Variants in PRLHR observed in about 807,000 individuals in gnomAD.
PRLHR encodes prolactin releasing hormone receptor.
PRLHR carries 10 observed loss-of-function variants against 9.3 expected under a neutral mutation model. The observed-to-expected ratio is 1.08, with a 90% CI of 0.66 to 1.82. PRLHR has a LOEUF of 1.82. Among genes scored for constraint, PRLHR ranks in the 40% most tolerant of loss-of-function variants. PRLHR has a pLI of 0.00. For missense variants in PRLHR, 589 were observed against 512.0 expected (o/e 1.15, Z -1.45); for synonymous variants, 261 against 249.3 (o/e 1.05, Z -0.44).
chr10:118,595,366 G>A, intron 1 of PRLHR, 116 bp from the exon 2 acceptor site: 3 of 980,532 alleles, frequency 3.1e-6, no homozygotes, highest in East Asian at 2.5e-5. Context: ...ACCGGCCACA[G>A]AACAACAGCA....
In PRLHR at chr10:118,592,362, G is replaced by A. The variant is rs1292228426; in HGVS notation, c.*1770C>T. The A allele has an allele frequency of 2.6e-5, 4 of 152,314 alleles. No individual in the cohort carries two copies. The highest frequency in any genetic ancestry group is 9.6e-5 in the African/African-American group (4 of 41,458). The allele number at this position is 152,314 out of a possible 1,614,324, so 9.4% of individuals were successfully genotyped here. A position where few individuals can be genotyped will look rare whatever the true frequency, so the allele number is the denominator to read the frequency against. On this transcript the variant is annotated 3_prime_UTR_variant, in exon 2 of 2. Transcript: ENST00000239032. ...AGTAATATAGCTGCTGGAAGCACAG[G>A]AGCCAGTCCTCGGGATGCCTGGGAG...
In PRLHR at chr10:118,594,905, C is replaced by G. The variant is rs547026592; in HGVS notation, c.340G>C (p.Val114Leu). The change falls in exon 2 of 2, where the codon GTG becomes CTG. Residue 114 changes from valine (V) to leucine (L), a missense_variant. Val to Leu is a conservative substitution (Grantham distance 32, BLOSUM62 1). Transcript: ENST00000239032. ...LSDVLMCTAC[V>L]PLTLAYAFEP... The stretch of plus-strand genomic sequence containing the variant: ...AAGGCATAGGCCAGCGTGAGCGGCA[C>G]GCAGGCGGTGCACATGAGCACGTCG... 2 of 1,613,464 alleles carry G rather than the reference C, an allele frequency of 1.2e-6. No individual in the cohort carries two copies. Among genetic ancestry groups the G allele is most frequent in the Non-Finnish European group, 1.7e-6 (2 of 1,179,868 alleles).
In PRLHR at chr10:118,591,077, TTTGTTTTTTG is replaced by T. The variant is rs1315490720; in HGVS notation, c.*3045_*3054del. The stretch of plus-strand genomic sequence containing the variant: ...TTTAAAATAATTCATGGTATGTAAA[TTTGTTTTTTG>T]TTGTTTTTTGTTGTTTTTGTTTTTT... On this transcript the variant is annotated 3_prime_UTR_variant, in exon 2 of 2. Coordinates refer to ENST00000239032, the MANE Select transcript of PRLHR (RefSeq NM_004248.3). The T allele has an allele frequency of 1.5e-4, 23 of 151,766 alleles. No homozygotes were observed. Among genetic ancestry groups the T allele is most frequent in the Non-Finnish European group, 2.4e-4 (16 of 67,968 alleles). The allele number at this position is 151,766 out of a possible 1,614,324, so 9.4% of individuals were successfully genotyped here.
In PRLHR at chr10:118,594,868, C is replaced by A. The variant is rs1564811407; in HGVS notation, c.377G>T (p.Gly126Val). ...LTLAYAFEPRGWVFGGGLCHL... is the reference protein window; with the variant it reads ...LTLAYAFEPRVWVFGGGLCHL... ...GCACAGGCCGCCGCCGAACACCCAG[C>A]CGCGTGGCTCGAAGGCATAGGCCAG... Residue 126 changes from glycine to valine, a missense_variant, in exon 2 of 2, where the codon GGC becomes GTC. Transcript: ENST00000239032. 1.2e-6 allele frequency: 2 copies of A among 1,613,342 alleles called. No individual in the cohort carries two copies. Among genetic ancestry groups the A allele is most frequent in the East Asian group, 2.2e-5 (1 of 44,860 alleles).
Position 118,592,450 on chromosome 10 carries a change from C to T in PRLHR, c.*1682G>A, listed in dbSNP as rs2133392616. On this transcript the variant is annotated 3_prime_UTR_variant, in exon 2 of 2. Transcript: ENST00000239032. ...GCACACAGGTTCTTTGTTCTCCAAT[C>T]CACGGATGAAGCTCAAGTTCATTTA... 6.6e-6 allele frequency: 1 copy of T among 152,350 alleles called. No individual in the cohort carries two copies. The highest frequency in any genetic ancestry group is 2.4e-5 in the African/African-American group (1 of 41,554). The allele number at this position is 152,350 out of a possible 1,614,324, so 9.4% of individuals were successfully genotyped here. A position where few individuals can be genotyped will look rare whatever the true frequency, so the allele number is the denominator to read the frequency against.
In PRLHR at chr10:118,594,312, G is replaced by C. The variant is rs959938899; in HGVS notation, c.933C>G (p.Tyr311Ter). ...AGAGCAGCTGCACCAGCCCAAAGGC[G>C]TAAGGGTCGATGGCGTGGGGGTCGA... ...RDLDPHAIDP[Y>*]AFGLVQLLCH... The change falls in exon 2 of 2, where the codon TAC becomes TAG. Residue 311 changes from tyrosine (Y) to a stop codon, truncating the protein, a stop_gained. Coordinates refer to ENST00000239032, the MANE Select transcript of PRLHR (RefSeq NM_004248.3). LOFTEE classifies it high-confidence loss of function. 1 of 1,602,726 alleles carries C rather than the reference G, an allele frequency of 6.2e-7. No individual in the cohort carries two copies. The highest frequency in any genetic ancestry group is 8.5e-7 in the Non-Finnish European group (1 of 1,178,014).
In PRLHR at chr10:118,592,780, C is replaced by A. The variant is rs1244302149; in HGVS notation, c.*1352G>T. On this transcript the variant is annotated 3_prime_UTR_variant, in exon 2 of 2. Coordinates refer to ENST00000239032, the MANE Select transcript of PRLHR (RefSeq NM_004248.3). ...AGCAGGAGGAGGTGAAACAGTGATTCTTGTGTTCAGTGAGCTGGGAAAGTA... is the reference window on the plus strand; with the variant it reads ...AGCAGGAGGAGGTGAAACAGTGATTATTGTGTTCAGTGAGCTGGGAAAGTA... 1 of 152,186 alleles carries A rather than the reference C, an allele frequency of 6.6e-6. No individual in the cohort carries two copies. The highest frequency in any genetic ancestry group is 6.5e-5 in the Admixed American group (1 of 15,284). The allele number at this position is 152,186 out of a possible 1,614,324, so 9.4% of individuals were successfully genotyped here. A position where few individuals can be genotyped will look rare whatever the true frequency, so the allele number is the denominator to read the frequency against.
intron 1 of PRLHR, 25 bp downstream of exon 1, chr10:118,595,491 G>A: frequency 2.7e-6 from 1 of 370,318 alleles, no homozygotes; most frequent in East Asian, 4.0e-5. Flanking sequence ...AGTCCACGCA[G>A]GCAGACTCAG....
At chr10:118,595,316 C>G (rs1844485704) in intron 1 of PRLHR, 66 bp from the exon 2 acceptor site, 1 of 1,403,614 alleles carries the variant, frequency 7.1e-7, no homozygotes. Context: ...CTACACCAGC[C>G]GCGCCCCTCC....
rs1284734405 is a variant in PRLHR at position 118,594,079 on chromosome 10, C to T, written c.*53G>A. The T allele has an allele frequency of 3.3e-6, 5 of 1,505,476 alleles. No homozygotes were observed. Among genetic ancestry groups the T allele is most frequent in the Non-Finnish European group, 2.7e-6 (3 of 1,126,694 alleles). The allele number at this position is 1,505,476 out of a possible 1,614,324, so 93.3% of individuals were successfully genotyped here. Reference sequence around the variant, plus strand: ...GCACCAGATTGACCTCGAGTGGTGCCCTAGGAGGCCAGTTGAAGTGGAGCT... The same window carrying T: ...GCACCAGATTGACCTCGAGTGGTGCTCTAGGAGGCCAGTTGAAGTGGAGCT... On this transcript the variant is annotated 3_prime_UTR_variant, in exon 2 of 2. Transcript: ENST00000239032.
chr10:118,594,875 G>A lies in PRLHR; in HGVS notation c.370C>T (p.Pro124Ser). 3.1e-6 allele frequency: 5 copies of A among 1,613,346 alleles called. 1 individual carries two copies. In the South Asian group the frequency reaches 3.3e-5, roughly 11 times the overall value. ...CCGCCGCCGAACACCCAGCCGCGTG[G>A]CTCGAAGGCATAGGCCAGCGTGAGC... ...VPLTLAYAFEPRGWVFGGGLC... is the reference protein window; with the variant it reads ...VPLTLAYAFESRGWVFGGGLC... Residue 124 changes from proline to serine, a missense_variant, in exon 2 of 2, where the codon CCA (proline) becomes TCA (serine). Coordinates refer to ENST00000239032, the MANE Select transcript of PRLHR (RefSeq NM_004248.3).
chr10:118,595,010 A>T lies in PRLHR; in HGVS notation c.235T>A (p.Cys79Ser), dbSNP rs762040281. ...CGCGCGATCACCAGCACCAGCAGGC[A>T]GTTGCCCACCAGCCCCACGACCACC... Reference protein sequence around the residue: ...VVVVVGLVGNCLLVLVIARVR... With the variant: ...VVVVVGLVGNSLLVLVIARVR... The change falls in exon 2 of 2, where the codon TGC becomes AGC. Residue 79 changes from cysteine to serine, a missense_variant. Coordinates refer to ENST00000239032, the MANE Select transcript of PRLHR (RefSeq NM_004248.3). The T allele has an allele frequency of 9.3e-6, 15 of 1,613,004 alleles. No homozygotes were observed. In the South Asian group the frequency reaches 1.6e-4, roughly 18 times the overall value.
At position 118,591,831 on chromosome 10, in the gene PRLHR, GGATTACAGGC is replaced by G. The variant is rs1330031681; in HGVS notation, c.*2291_*2300del. The G allele has an allele frequency of 1.3e-5, 2 of 151,808 alleles. No homozygotes were observed. The highest frequency in any genetic ancestry group is 1.5e-5 in the Non-Finnish European group (1 of 68,046). 9.4% of individuals were successfully genotyped at this position (151,808 alleles called of 1,614,324 possible). A position where few individuals can be genotyped will look rare whatever the true frequency, so the allele number is the denominator to read the frequency against. Reference sequence around the variant, plus strand: ...CCTGCCTCAGCCTCCCGAGTAGCTGGGATTACAGGCGTGCGCCACCACGCCTGGCTAATTT... The same window carrying G: ...CCTGCCTCAGCCTCCCGAGTAGCTGGGTGCGCCACCACGCCTGGCTAATTT... On this transcript the variant is annotated 3_prime_UTR_variant, in exon 2 of 2. Coordinates refer to ENST00000239032, the MANE Select transcript of PRLHR (RefSeq NM_004248.3).
Position 118,590,109 on chromosome 10 carries a change from G to C in PRLHR, c.*4023C>G, listed in dbSNP as rs1448422977. ...ACATGCATTTTACACACATAGCAAA[G>C]ACATCAACGCATGAAGGTAAATCAA... On this transcript the variant is annotated 3_prime_UTR_variant, in exon 2 of 2. Transcript: ENST00000239032. The C allele has an allele frequency of 6.6e-6, 1 of 152,222 alleles. No homozygotes were observed. Among genetic ancestry groups the C allele is most frequent in the Non-Finnish European group, 1.5e-5 (1 of 68,044 alleles). The allele number at this position is 152,222 out of a possible 1,614,324, so 9.4% of individuals were successfully genotyped here. A position where few individuals can be genotyped will look rare whatever the true frequency, so the allele number is the denominator to read the frequency against.
Position 118,594,218 on chromosome 10 carries a change from G to T in PRLHR, c.1027C>A (p.Arg343Ser). The stretch of plus-strand genomic sequence containing the variant: ...ACCAACAGTTTGCGCAGCTCCTCGC[G>T]GAAGCTGTCGTGCAGCCAGGCGTAG... ...FIYAWLHDSF[R>S]EELRKLLVAW... The change falls in exon 2 of 2, where the codon CGC becomes AGC. Residue 343 changes from arginine to serine, a missense_variant. By Grantham distance (110) the Arg-to-Ser change is moderately radical (BLOSUM62 -1). Transcript: ENST00000239032. The T allele has an allele frequency of 6.3e-7, 1 of 1,590,084 alleles. No individual in the cohort carries two copies. The highest frequency in any genetic ancestry group is 8.6e-7 in the Non-Finnish European group (1 of 1,168,590).
chr10:118,594,948 G>A lies in PRLHR; in HGVS notation c.297C>T (p.Ile99=), dbSNP rs771212585. 2.5e-6 allele frequency: 4 copies of A among 1,613,580 alleles called. No individual in the cohort carries two copies. Among genetic ancestry groups the A allele is most frequent in the East Asian group, 2.2e-5 (1 of 44,876 alleles). ...RRLHNVTNFL[I]GNLALSDVLM... ...GCACGTCGGACAAGGCCAGGTTGCC[G>A]ATGAGGAAGTTCGTCACGTTGTGCA... The change falls in exon 2 of 2, where the codon ATC becomes ATT. Residue 99 remains isoleucine, a synonymous_variant. Transcript: ENST00000239032.
At position 118,593,039 on chromosome 10, in the gene PRLHR, C is replaced by G. The variant is rs2225916; in HGVS notation, c.*1093G>C. 6.0e-5 allele frequency: 8 copies of G among 133,276 alleles called. No individual in the cohort carries two copies. Among genetic ancestry groups the G allele is most frequent in the African/African-American group, 2.3e-4 (8 of 35,524 alleles). 8.3% of individuals were successfully genotyped at this position (133,276 alleles called of 1,614,324 possible). A position where few individuals can be genotyped will look rare whatever the true frequency, so the allele number is the denominator to read the frequency against. Reference sequence around the variant, plus strand: ...ACAGTCTTCACCTTTTCCCTTAACCCTGGAGGTAATTAGTGTTTGATCTAC... The same window carrying G: ...ACAGTCTTCACCTTTTCCCTTAACCGTGGAGGTAATTAGTGTTTGATCTAC... On this transcript the variant is annotated 3_prime_UTR_variant, in exon 2 of 2. Transcript: ENST00000239032.
rs1844446776 is a variant in PRLHR, at chr10:118,592,978, G to A, written c.*1154C>T. On this transcript the variant is annotated 3_prime_UTR_variant, in exon 2 of 2. Transcript: ENST00000239032. ...TCCTCATTTACAGAACTCACAGGAG[G>A]TTAAGGTGATGATTATCAGCCTGGT... The A allele has an allele frequency of 6.6e-6, 1 of 152,162 alleles. No homozygotes were observed. The allele number at this position is 152,162 out of a possible 1,614,324, so 9.4% of individuals were successfully genotyped here. A position where few individuals can be genotyped will look rare whatever the true frequency, so the allele number is the denominator to read the frequency against.
chr10:118,591,097 G>T lies in PRLHR; in HGVS notation c.*3035C>A, dbSNP rs1213124128. On this transcript the variant is annotated 3_prime_UTR_variant, in exon 2 of 2. Transcript: ENST00000239032. ...GTAAATTTGTTTTTTGTTGTTTTTT[G>T]TTGTTTTTGTTTTTTTTGTTTTTTT... is the stretch of plus-strand genomic sequence containing the variant. 4.1e-5 allele frequency: 6 copies of T among 148,130 alleles called. No individual in the cohort carries two copies. Among genetic ancestry groups the T allele is most frequent in the Non-Finnish European group, 1.5e-5 (1 of 67,222 alleles). 9.2% of individuals were successfully genotyped at this position (148,130 alleles called of 1,614,324 possible).
Sources: gnomAD v4.1 joint callset for allele counts on GRCh38, gnomAD v4.1.1 for gene constraint, MANE v1.5 for transcripts, NCBI Gene and HGNC (gene_info 2026-07-23, HGNC 2026-07-21) for gene names.